LIPI: variants seen among roughly 807,000 people sequenced by gnomAD.
LIPI encodes lipase member I.
A neutral mutation model predicts 50.6 loss-of-function variants in LIPI; 59 were observed. The ratio of observed to expected loss-of-function variants is 1.16; its 90% confidence interval spans 0.94 to 1.45. The LOEUF is 1.45. Ranked by LOEUF, LIPI falls within the 40% of genes most tolerant of loss-of-function variation. The pLI is 0.00. For missense variants in LIPI, 586 were observed against 536.3 expected, an observed-to-expected ratio of 1.09 and a Z score of -0.92; for synonymous variants, 203 against 178.2, an observed-to-expected ratio of 1.14 and a Z score of -1.11.
chr21:14,183,362 G>A (rs149044364), intron 3 of LIPI, among the ~76,000 whole-genome samples: 2,662 of 152,094 alleles, frequency 0.018, 29 homozygotes, highest in Non-Finnish European at 0.023. Context: ...GTCTTAAAGC[G>A]ATAAAAACCC....
intron 3 of LIPI, among the ~76,000 whole-genome samples, chr21:14,184,691 G>T (rs2019393719): frequency 6.6e-6 from 1 of 152,072 alleles, no homozygotes. Context: ...CCTGGTATTT[G>T]GGCCATTCAA....
In LIPI at chr21:14,161,618, ATATAATATATTAATATATAATATATACAT is replaced by A. The variant is rs1194372952; in HGVS notation, c.1006+1772_1006+1800del. Among the ~76,000 whole-genome samples the A allele has an allele frequency of 1.1e-3, 123 of 109,152 alleles. 10 individuals are homozygous for A. The highest frequency in any genetic ancestry group is 5.8e-3 in the East Asian group (24 of 4,150). 71.6% of individuals were successfully genotyped at this position (109,152 alleles called of 152,430 possible). A position where few individuals can be genotyped will look rare whatever the true frequency, so the allele number is the denominator to read the frequency against. Reference sequence around the variant, plus strand: ...TAATATATTAATATATAATATACATATATAATATATTAATATATAATATATACATTATTATATATTAATGTATAATATAT... The same window carrying A: ...TAATATATTAATATATAATATACATATATTATATATTAATGTATAATATAT... On this transcript the variant is annotated intron_variant, in intron 7 of 9. Coordinates refer to ENST00000681601, the MANE Select transcript of LIPI (RefSeq NM_001302998.2).
chr21:14,187,740 AAAT>A (rs1199927290), intron 2 of LIPI, among the ~76,000 whole-genome samples: 1 of 149,850 alleles, frequency 6.7e-6, no homozygotes, highest in African/African-American at 2.4e-5. Context: ...GGGGGTGTAA[AAAT>A]AATAATGAAA....
chr21:14,205,234 C>A (rs995050232), intron 1 of LIPI, among the ~76,000 whole-genome samples: 1 of 151,602 alleles, frequency 6.6e-6, no homozygotes, highest in Non-Finnish European at 1.5e-5. Flanking sequence ...ATGTATATTG[C>A]AACATTTCAA....
chr21:14,189,784 C>T (rs2019603149), intron 1 of LIPI, among the ~76,000 whole-genome samples: 2 of 152,022 alleles, frequency 1.3e-5, no homozygotes, highest in South Asian at 4.2e-4. Context: ...CAGAGTAGTC[C>T]TTGTACAATA....
intron 1 of LIPI, among the ~76,000 whole-genome samples, chr21:14,206,307 A>G (rs1371128040): frequency 6.6e-6 from 1 of 152,110 alleles, no homozygotes; most frequent in African/African-American, 2.4e-5. Context: ...CAGTTTCCTC[A>G]TGTTTAAATG....
rs865932587 is a variant in LIPI, at chr21:14,189,066, C to T, written c.400G>A (p.Val134Met). 2 of 1,608,712 alleles carry T rather than the reference C, an allele frequency of 1.2e-6. No homozygotes were observed. Among genetic ancestry groups the T allele is most frequent in the Non-Finnish European group, 1.7e-6 (2 of 1,179,936 alleles). The change falls in exon 2 of 10, where the codon GTG becomes ATG. Residue 134 changes from valine to methionine, a missense_variant. Physicochemically the swap from Val to Met is conservative, Grantham distance 21 (BLOSUM62 1). Coordinates refer to ENST00000681601, the MANE Select transcript of LIPI (RefSeq NM_001302998.2). ...RAVKNTRKVA[V>M]SLSVHIKNLL... ...TTTTTAATGTGCACACTCAAACTCA[C>T]AGCAACTTTTCTGGTGTTTTTAACT...
chr21:14,151,670 T>C (rs2018096198), intron 8 of LIPI, among the ~76,000 whole-genome samples: 1 of 152,188 alleles, frequency 6.6e-6, no homozygotes, highest in African/African-American at 2.4e-5. Flanking sequence ...CCCGTTTATA[T>C]CATTCTTTTA....
chr21:14,196,699 A>C lies in LIPI; in HGVS notation c.47-7280T>G, dbSNP rs188677776. 2.6e-5 allele frequency among the ~76,000 whole-genome samples: 4 copies of C among 152,090 alleles called. No homozygotes were observed. The East Asian group carries it at 7.8e-4, about 29-fold the overall frequency. ...TAAAAATCTAGGTCTGGTAGTGCACACCTGTGGTCCTGCCTACTCAGGAGG... is the reference window on the plus strand; with the variant it reads ...TAAAAATCTAGGTCTGGTAGTGCACCCCTGTGGTCCTGCCTACTCAGGAGG... On this transcript the variant is annotated intron_variant, in intron 1 of 9. Coordinates refer to ENST00000681601, the MANE Select transcript of LIPI (RefSeq NM_001302998.2).
chr21:14,115,257 A>G (rs2016581250), intron 9 of LIPI, among the ~76,000 whole-genome samples: 1 of 152,136 alleles, frequency 6.6e-6, no homozygotes, highest in Non-Finnish European at 1.5e-5. Context: ...CTGCAAAGTT[A>G]CAAGGTTGAT....
chr21:14,152,075 A>T (rs981952123), intron 8 of LIPI, among the ~76,000 whole-genome samples: 3 of 50,868 alleles, frequency 5.9e-5, no homozygotes, highest in Admixed American at 4.7e-4. Flanking sequence ...AACTTATTTT[A>T]TTTATTTATT....
chr21:14,135,981 C>T (rs970896966), intron 9 of LIPI, among the ~76,000 whole-genome samples: 3 of 152,126 alleles, frequency 2.0e-5, no homozygotes, highest in Non-Finnish European at 2.9e-5. Flanking sequence ...AGCCACAACA[C>T]GATAAGGCAA....
chr21:14,143,464 A>G (rs1036006124), intron 9 of LIPI: 2 of 152,064 alleles, frequency 1.3e-5, no homozygotes, highest in African/African-American at 4.8e-5. Context: ...CCCCACCTAA[A>G]TGTATATTAT....
intron 9 of LIPI, among the ~76,000 whole-genome samples, chr21:14,139,762 G>A (rs73162696): frequency 0.23 from 35,540 of 152,028 alleles, 5,049 homozygotes; most frequent in East Asian, 0.41. Flanking sequence ...TGGCATTTGA[G>A]CAAAAGCTTG....
intron 7 of LIPI, among the ~76,000 whole-genome samples, chr21:14,153,510 C>G (rs932448609): frequency 1.3e-5 from 2 of 152,152 alleles, no homozygotes; most frequent in African/African-American, 4.8e-5. Context: ...AAGCCACCCT[C>G]CCACTATAAA....
chr21:14,172,855 T>G (rs2018967864), intron 4 of LIPI, among the ~76,000 whole-genome samples: 1 of 151,040 alleles, frequency 6.6e-6, no homozygotes, highest in Non-Finnish European at 1.5e-5. Context: ...ACCCTAAAAC[T>G]TAAAGTATAA....
At chr21:14,209,647 C>A (rs1200989742) in intron 1 of LIPI, among the ~76,000 whole-genome samples, 1 of 152,008 alleles carries the variant, frequency 6.6e-6, no homozygotes, top group African/African-American at 2.4e-5. Flanking sequence ...ACATACAAAG[C>A]AATTATGTTT....
intron 1 of LIPI, among the ~76,000 whole-genome samples, chr21:14,206,115 T>C (rs893121605): frequency 4.6e-5 from 7 of 152,152 alleles, no homozygotes; most frequent in East Asian, 1.9e-4. Flanking sequence ...GCATTCTCTC[T>C]GAAACATATT....
chr21:14,167,683 A>C (rs1036364055), intron 4 of LIPI, among the ~76,000 whole-genome samples: 11 of 152,336 alleles, frequency 7.2e-5, no homozygotes, highest in Non-Finnish European at 1.6e-4. Flanking sequence ...ACTAACAAAC[A>C]GAAAGGACAT....
Sources: gnomAD v4.1 joint callset for allele counts (sites outside exome capture counted in the v4.1 genomes callset) on GRCh38, gnomAD v4.1.1 for gene constraint, MANE v1.5 for transcripts, NCBI Gene and HGNC (gene_info 2026-07-23, HGNC 2026-07-21) for gene names.